Variants in GUCY1A2 observed in about 807,000 individuals in gnomAD.
The protein encoded by GUCY1A2 is guanylate cyclase 1 soluble subunit alpha 2.
A neutral mutation model predicts 63.5 loss-of-function variants in GUCY1A2; 27 were observed. That is an observed-to-expected ratio of 0.43 (90% CI 0.31 to 0.59). The LOEUF is 0.59. Among genes scored for constraint, GUCY1A2 ranks in the 20% least tolerant of loss-of-function variants. The probability of loss-of-function intolerance (pLI) is 0.11; values close to 1 mark genes in which losing one functional copy is unlikely to be tolerated. For missense variants in GUCY1A2, 768 were observed against 913.3 expected, an observed-to-expected ratio of 0.84 and a Z score of 2.05; for synonymous variants, 364 against 343.5, an observed-to-expected ratio of 1.06 and a Z score of -0.66.
rs667287 is a variant in GUCY1A2 at position 106,681,404 on chromosome 11, T to C, written c.*6145A>G. 3,175 of 225,774 alleles carry C rather than the reference T, an allele frequency of 0.014. 26 individuals are homozygous for C. The highest frequency in any genetic ancestry group is 0.019 in the Non-Finnish European group (2,192 of 113,206). 14.0% of individuals were successfully genotyped at this position (225,774 alleles called of 1,614,324 possible). On this transcript the variant is annotated 3_prime_UTR_variant, in exon 8 of 8. Coordinates refer to ENST00000526355, the MANE Select transcript of GUCY1A2 (RefSeq NM_000855.3). ...CCAACCTATGCTCTACTTCCACTCA[T>C]TTATCCATCCTTAACTTCTTCCTTA... is the stretch of plus-strand genomic sequence containing the variant.
rs190929742 is a variant in GUCY1A2 at position 106,733,085 on chromosome 11, A to T, written c.1837-24419T>A. Reference sequence around the variant, plus strand: ...ATGGTTTCAAAAACGCTTGTTTTCCAGCGAGTAACATAAACCACCAAACAC... The same window carrying T: ...ATGGTTTCAAAAACGCTTGTTTTCCTGCGAGTAACATAAACCACCAAACAC... On this transcript the variant is annotated intron_variant, in intron 6 of 7. Coordinates refer to ENST00000526355, the MANE Select transcript of GUCY1A2 (RefSeq NM_000855.3). Among the ~76,000 whole-genome samples, 327 of 152,290 alleles carry T rather than the reference A, an allele frequency of 2.1e-3. 1 individual carries two copies. Among genetic ancestry groups the T allele is most frequent in the African/African-American group, 7.5e-3 (310 of 41,580 alleles).
intron 3 of GUCY1A2, among the ~76,000 whole-genome samples, chr11:106,942,373 CTATGT>C (rs1860763105): frequency 6.6e-6 from 1 of 152,152 alleles, no homozygotes; most frequent in Non-Finnish European, 1.5e-5. Flanking sequence ...ATCACCATCA[CTATGT>C]TATAACTAGA....
At chr11:106,751,060 T>C (rs1863874359) in intron 6 of GUCY1A2, among the ~76,000 whole-genome samples, 1 of 152,124 alleles carries the variant, frequency 6.6e-6, no homozygotes, top group African/African-American at 2.4e-5. Flanking sequence ...ACATCTCCTC[T>C]TTAAGAATAC....
chr11:106,844,192 C>T (rs1326530155), intron 4 of GUCY1A2, among the ~76,000 whole-genome samples: 2 of 151,734 alleles, frequency 1.3e-5, no homozygotes, highest in East Asian at 1.9e-4. Flanking sequence ...ACCTCAGGTA[C>T]TAATTTAGAT....
chr11:106,792,076 A>G (rs1864672721), intron 5 of GUCY1A2, among the ~76,000 whole-genome samples: 1 of 152,140 alleles, frequency 6.6e-6, no homozygotes. Flanking sequence ...AACTGAATCC[A>G]GCAACAAATC....
At chr11:106,734,310 T>A (rs1021295270) in intron 6 of GUCY1A2, among the ~76,000 whole-genome samples, 5 of 152,098 alleles carry the variant, frequency 3.3e-5, no homozygotes, top group African/African-American at 9.7e-5. Context: ...ATCAAAGATA[T>A]ATTTTGCTTA....
At chr11:106,787,928 A>G (rs1378890291) in intron 5 of GUCY1A2, among the ~76,000 whole-genome samples, 1 of 152,010 alleles carries the variant, frequency 6.6e-6, no homozygotes, top group African/African-American at 2.4e-5. Flanking sequence ...GTTGTATGGT[A>G]GCTCTATTTT....
intron 7 of GUCY1A2, among the ~76,000 whole-genome samples, chr11:106,691,640 T>C (rs775797780): frequency 2.6e-5 from 4 of 152,194 alleles, no homozygotes; most frequent in Non-Finnish European, 5.9e-5. Flanking sequence ...TCACTGCACA[T>C]TGGCTGGGAG....
At chr11:106,710,936 T>G (rs1863106620) in intron 6 of GUCY1A2, among the ~76,000 whole-genome samples, 1 of 152,044 alleles carries the variant, frequency 6.6e-6, no homozygotes, top group Non-Finnish European at 1.5e-5. Flanking sequence ...ACCCTTGTAT[T>G]GGGGCTGGAG....
At chr11:106,764,008 C>T (rs1864114998) in intron 6 of GUCY1A2, among the ~76,000 whole-genome samples, 1 of 152,002 alleles carries the variant, frequency 6.6e-6, no homozygotes, top group African/African-American at 2.4e-5. Flanking sequence ...TATGTTTCTA[C>T]AAAAAGTTCA....
intron 3 of GUCY1A2, among the ~76,000 whole-genome samples, chr11:106,953,716 T>C (rs1443739987): frequency 6.6e-6 from 1 of 152,324 alleles, no homozygotes; most frequent in East Asian, 1.9e-4. Flanking sequence ...TATTGGTCTA[T>C]TCAGGGATTC....
At chr11:106,896,750 C>T (rs1307191799) in intron 4 of GUCY1A2, among the ~76,000 whole-genome samples, 1 of 152,190 alleles carries the variant, frequency 6.6e-6, no homozygotes, top group Non-Finnish European at 1.5e-5. Context: ...GAGCATCCCT[C>T]GCCAGACACC....
At position 106,692,963 on chromosome 11, in the gene GUCY1A2, C is replaced by T. The variant is rs78008722; in HGVS notation, c.1992-5207G>A. On this transcript the variant is annotated intron_variant, in intron 7 of 7. Transcript: ENST00000526355. Reference sequence around the variant, plus strand: ...TATATATAGCTCTCTGACATCTGCACGTTTGAAATCACTGTGTGAAATTGG... The same window carrying T: ...TATATATAGCTCTCTGACATCTGCATGTTTGAAATCACTGTGTGAAATTGG... Among the ~76,000 whole-genome samples, 6 of 152,264 alleles carry T rather than the reference C, an allele frequency of 3.9e-5. No individual in the cohort carries two copies. In the East Asian group the frequency reaches 1.2e-3, roughly 29 times the overall value.
chr11:106,724,412 C>A (rs1174051924), intron 6 of GUCY1A2, among the ~76,000 whole-genome samples: 4 of 152,194 alleles, frequency 2.6e-5, no homozygotes, highest in Non-Finnish European at 5.9e-5. Flanking sequence ...AAAATTGGCT[C>A]CAATCCCTGA....
At chr11:106,915,547 T>C (rs10458950) in intron 4 of GUCY1A2, among the ~76,000 whole-genome samples, 109,583 of 144,398 alleles carry the variant, frequency 0.76, 45,425 homozygotes, top group East Asian at 0.99. Flanking sequence ...TTTTGTAAAA[T>C]GTGGCTAGAA....
chr11:106,987,954 T>C (rs2120145658), intron 1 of GUCY1A2, among the ~76,000 whole-genome samples: 1 of 152,218 alleles, frequency 6.6e-6, no homozygotes, highest in East Asian at 1.9e-4. Flanking sequence ...ACAAATTAAT[T>C]TTAGGAGGAA....
At chr11:106,860,734 T>C (rs1859500027) in intron 4 of GUCY1A2, among the ~76,000 whole-genome samples, 1 of 152,056 alleles carries the variant, frequency 6.6e-6, no homozygotes, top group Non-Finnish European at 1.5e-5. Flanking sequence ...TGTCAGATAA[T>C]GCAACTCCAT....
Position 106,681,929 on chromosome 11 carries a change from CA to C in GUCY1A2, c.*5619del, listed in dbSNP as rs2135327928. ...TGATGTCTTTTCATGACATAAAAAT[CA>C]AAGCATTCAGAAGTAAGGCTGTCAC... On this transcript the variant is annotated 3_prime_UTR_variant, in exon 8 of 8. Transcript: ENST00000526355. 1.4e-5 allele frequency: 3 copies of C among 212,740 alleles called. No individual in the cohort carries two copies. The South Asian group carries it at 5.7e-4, about 40-fold the overall frequency. The allele number at this position is 212,740 out of a possible 1,614,324, so 13.2% of individuals were successfully genotyped here.
chr11:106,711,481 G>A (rs57765083), intron 6 of GUCY1A2, among the ~76,000 whole-genome samples: 4,515 of 152,124 alleles, frequency 0.03, 231 homozygotes, highest in African/African-American at 0.1. Context: ...GTTCCTAGAT[G>A]GGTCATCCAG....
Sources: allele counts gnomAD v4.1 joint callset (sites outside exome capture counted in the v4.1 genomes callset), GRCh38; gene constraint gnomAD v4.1.1; transcripts MANE v1.5; gene names NCBI Gene and HGNC (gene_info 2026-07-23, HGNC 2026-07-21).